PHACTR3: variants seen among roughly 807,000 people sequenced by gnomAD.
The protein encoded by PHACTR3 is protein phosphatase 1, regulatory subunit 123.
PHACTR3 carries 16 observed loss-of-function variants against 66.8 expected under a neutral mutation model. The observed-to-expected ratio is 0.24, with a 90% confidence interval of 0.16 to 0.36. The LOEUF (loss-of-function observed/expected upper bound fraction) is 0.36, where lower values mean the gene tolerates loss of function less well. PHACTR3 is among the 10% of genes least tolerant of loss of function. PHACTR3 has a pLI of 1.00. For missense variants in PHACTR3, 647 were observed against 719.9 expected (o/e 0.90, Z 1.16); for synonymous variants, 323 against 292.1 (o/e 1.11, Z -1.08).
chr20:59,844,821 A>G (rs1203815852), intron 11 of PHACTR3: 2 of 162,422 alleles, frequency 1.2e-5, no homozygotes, highest in East Asian at 1.8e-4. Context: ...AAACAGCTAG[A>G]AGAGAGGACT....
chr20:59,726,510 C>A (rs2038566641), intron 1 of PHACTR3, among the ~76,000 whole-genome samples: 1 of 152,158 alleles, frequency 6.6e-6, no homozygotes, highest in Non-Finnish European at 1.5e-5. Context: ...TGCTCCTTCT[C>A]CCTCCCTGGA....
At chr20:59,807,786 G>A (rs61552491) in intron 8 of PHACTR3, among the ~76,000 whole-genome samples, 5,054 of 152,266 alleles carry the variant, frequency 0.033, 275 homozygotes, top group African/African-American at 0.11. Context: ...TATCTTATAT[G>A]TGTCGTATAT....
intron 1 of PHACTR3, among the ~76,000 whole-genome samples, chr20:59,638,470 G>GTGGA (rs538406401): frequency 3.1e-4 from 46 of 149,756 alleles, no homozygotes; most frequent in Admixed American, 6.7e-4. Context: ...AGGTAGATGG[G>GTGGA]TGGATGGATG....
chr20:59,577,658 C>G (rs2146295384), intron 1 of PHACTR3: 1 of 1,170,084 alleles, frequency 8.5e-7, no homozygotes, highest in Admixed American at 4.5e-5. Context: ...GACGTGGGGC[C>G]CGGGGTGCCC....
intron 1 of PHACTR3, among the ~76,000 whole-genome samples, chr20:59,723,485 T>C (rs2038426037): frequency 6.6e-6 from 1 of 152,146 alleles, no homozygotes; most frequent in Non-Finnish European, 1.5e-5. Context: ...GACCATACTC[T>C]CTTTATCCAT....
intron 8 of PHACTR3, among the ~76,000 whole-genome samples, chr20:59,821,869 A>G (rs988716565): frequency 7.2e-5 from 7 of 96,900 alleles, no homozygotes; most frequent in African/African-American, 1.8e-4. Flanking sequence ...GGAGGTGAGC[A>G]GCTGGCAGGA....
chr20:59,739,072 G>A (rs759544806), intron 1 of PHACTR3, among the ~76,000 whole-genome samples: 22 of 152,178 alleles, frequency 1.4e-4, no homozygotes, highest in Non-Finnish European at 3.2e-4. Flanking sequence ...GCCTCCCGTG[G>A]CCTTGGGGAG....
intron 1 of PHACTR3, among the ~76,000 whole-genome samples, chr20:59,620,979 T>C (rs1395707616): frequency 2.0e-5 from 3 of 152,316 alleles, no homozygotes; most frequent in African/African-American, 4.8e-5. Flanking sequence ...TCCTGTGGAG[T>C]AGAGTCCACT....
intron 4 of PHACTR3, among the ~76,000 whole-genome samples, chr20:59,760,430 C>A (rs1202308524): frequency 1.3e-5 from 2 of 152,048 alleles, no homozygotes; most frequent in Admixed American, 6.5e-5. Context: ...GTGGGAGGGA[C>A]CTGGTGGGAG....
At chr20:59,747,961 A>C (rs2039433762) in intron 3 of PHACTR3, 126 bp downstream of exon 3, 1 of 1,013,084 alleles carries the variant, frequency 9.9e-7, no homozygotes, top group East Asian at 2.6e-5. Flanking sequence ...GTTCAGATGA[A>C]GCCTGCAAGG....
At chr20:59,644,475 T>C (rs1318112640) in intron 1 of PHACTR3, among the ~76,000 whole-genome samples, 2 of 152,174 alleles carry the variant, frequency 1.3e-5, no homozygotes, top group Middle Eastern at 3.2e-3. Context: ...CACCACTGAA[T>C]TGTAGACTCC....
rs113004800 is a variant in PHACTR3, at chr20:59,604,707, CTT to C, written c.-297_-296del. 39,198 of 837,660 alleles carry C rather than the reference CTT, an allele frequency of 0.047. 735 individuals are homozygous for C. The highest frequency in any genetic ancestry group is 0.052 in the Middle Eastern group (96 of 1,830). 51.9% of individuals were successfully genotyped at this position (837,660 alleles called of 1,614,324 possible). On this transcript the variant is annotated 5_prime_UTR_variant, in exon 1 of 13. Coordinates refer to ENST00000371015, the MANE Select transcript of PHACTR3 (RefSeq NM_080672.5). ...AAAAAGTTTTTATTTCCTGGTTCAA[CTT>C]TTTTTTTTTTCCCTGGAATATAGAC...
At chr20:59,835,217 A>C (rs988975478) in intron 8 of PHACTR3, among the ~76,000 whole-genome samples, 1 of 152,180 alleles carries the variant, frequency 6.6e-6, no homozygotes, top group Non-Finnish European at 1.5e-5. Flanking sequence ...AGCAACACTT[A>C]AGTGAGCTAG....
At chr20:59,674,397 TC>T (rs2036308784) in intron 1 of PHACTR3, among the ~76,000 whole-genome samples, 1 of 78,556 alleles carries the variant, frequency 1.3e-5, no homozygotes, top group South Asian at 4.6e-4. Context: ...CTCCTGTTCC[TC>T]CTTCTCCTGT....
chr20:59,736,505 A>G lies in PHACTR3; in HGVS notation c.119-6602A>G, dbSNP rs1003808866. On this transcript the variant is annotated intron_variant, in intron 1 of 12. Transcript: ENST00000371015. This position sits in a 1 kb window ranked among gnomAD's most constrained non-coding sequence, Gnocchi z 4.6. ...GGTGCACACCCACCCACGCCCATGC[A>G]CACTGGCTCCGCAGGTGCTCACCCG... Among the ~76,000 whole-genome samples, 1 of 147,316 alleles carries G rather than the reference A, an allele frequency of 6.8e-6. No individual in the cohort carries two copies. The highest frequency in any genetic ancestry group is 2.1e-4 in the East Asian group (1 of 4,814).
intron 1 of PHACTR3, among the ~76,000 whole-genome samples, chr20:59,614,302 A>C (rs953122534): frequency 6.6e-6 from 1 of 152,258 alleles, no homozygotes; most frequent in African/African-American, 2.4e-5. Context: ...ACAGAGGCAG[A>C]TGTACTCTTT....
intron 5 of PHACTR3, 150 bp downstream of exon 5, chr20:59,767,545 C>A: frequency 1.0e-6 from 1 of 956,434 alleles, no homozygotes; most frequent in Non-Finnish European, 1.6e-6. Context: ...CTTGATTGGG[C>A]ACCAACTGTG....
At chr20:59,708,646 C>T (rs115141832) in intron 1 of PHACTR3, among the ~76,000 whole-genome samples, 165 of 152,220 alleles carry the variant, frequency 1.1e-3, no homozygotes, top group African/African-American at 3.7e-3. Flanking sequence ...GGGAGACAGC[C>T]CCAAAGTCCC....
At position 59,723,208 on chromosome 20, in the gene PHACTR3, G is replaced by A. The variant is rs6100569; in HGVS notation, c.119-19899G>A. ...TGGTTTTTGCTACACTCACGGGTTT[G>A]TGCAACTGCACCACAGTCTAATTTT... On this transcript the variant is annotated intron_variant, in intron 1 of 12. Coordinates refer to ENST00000371015, the MANE Select transcript of PHACTR3 (RefSeq NM_080672.5). 3.3e-3 allele frequency among the ~76,000 whole-genome samples: 507 copies of A among 151,766 alleles called. 3 individuals are homozygous for A. The highest frequency in any genetic ancestry group is 0.012 in the African/African-American group (488 of 41,372).
Sources: gnomAD v4.1 joint callset for allele counts (sites outside exome capture counted in the v4.1 genomes callset) on GRCh38, gnomAD v4.1.1 for gene constraint, Gnocchi (gnomAD v3.1) non-coding constraint, MANE v1.5 for transcripts, NCBI Gene and HGNC (gene_info 2026-07-23, HGNC 2026-07-21) for gene names.